NBPF20: variants seen among roughly 807,000 people sequenced by gnomAD.
NBPF20 encodes the protein NBPF member 20, also known as NBPF family member NBPF20.
In NBPF20, 90 loss-of-function variants were observed where a neutral mutation model predicts 68.1. The ratio of observed to expected loss-of-function variants is 1.32; its 90% CI spans 1.11 to 1.58. NBPF20 has a LOEUF of 1.58. Ranked by LOEUF, NBPF20 falls within the 40% of genes most tolerant of loss-of-function variation. NBPF20 has a pLI of 0.00. For synonymous variants in NBPF20, 290 were observed against 228.1 expected (o/e 1.27, Z -2.45); for missense variants, 816 against 601.2 (o/e 1.36, Z -3.74).
intron 8 of NBPF20, among the ~76,000 whole-genome samples, chr1:145,394,616 A>T (rs1662124485): frequency 2.6e-5 from 4 of 152,064 alleles, no homozygotes; most frequent in Admixed American, 6.5e-5. Context: ...AAAACTCATA[A>T]GGAATTTTGT....
intron 3 of NBPF20, among the ~76,000 whole-genome samples, chr1:145,402,646 T>A (rs1425039642): frequency 6.6e-6 from 1 of 151,058 alleles, no homozygotes; most frequent in Non-Finnish European, 1.5e-5. Context: ...TCTTCCTAAT[T>A]CCGTTTCAAA....
chr1:145,425,541 T>C, the NBPF20 span, among the ~76,000 whole-genome samples: 1 of 152,118 alleles, frequency 6.6e-6, no homozygotes, highest in Non-Finnish European at 1.5e-5. Flanking sequence ...CGCCGCTGTC[T>C]CAACCGCCGC....
At chr1:145,292,018 C>A (rs1423299070) in intron 137 of NBPF20, among the ~76,000 whole-genome samples, 2 of 149,592 alleles carry the variant, frequency 1.3e-5, no homozygotes, top group East Asian at 3.9e-4. Context: ...GTGAATTGCC[C>A]AGGTGACATA....
the NBPF20 span, among the ~76,000 whole-genome samples, chr1:145,411,386 CCTTT>C: frequency 4.3e-5 from 6 of 138,896 alleles, no homozygotes; most frequent in South Asian, 2.3e-4. Flanking sequence ...TGTTGACTTT[CCTTT>C]TTTTTTTTTT....
chr1:145,423,819 T>C, the NBPF20 span, among the ~76,000 whole-genome samples: 13,410 of 152,018 alleles, frequency 0.088, 1,386 homozygotes, highest in African/African-American at 0.25. Flanking sequence ...AATGGTACAA[T>C]CACTTTGGGA....
chr1:145,406,021 C>G (rs2101594330), upstream of NBPF20, among the ~76,000 whole-genome samples: 1 of 150,512 alleles, frequency 6.6e-6, no homozygotes, highest in Non-Finnish European at 1.5e-5. Context: ...CAGGTTCACG[C>G]TATTCTCCTG....
chr1:145,396,735 T>A (rs1267543946), intron 7 of NBPF20, among the ~76,000 whole-genome samples: 2 of 127,394 alleles, frequency 1.6e-5, no homozygotes, highest in Non-Finnish European at 3.1e-5. Context: ...AGTTTTCCTT[T>A]ATTATTTTTT....
intron 3 of NBPF20, among the ~76,000 whole-genome samples, chr1:145,402,957 T>G (rs1405689501): frequency 4.8e-4 from 73 of 151,810 alleles, no homozygotes; most frequent in African/African-American, 1.5e-3. Flanking sequence ...CTCCTTTGGT[T>G]AATTTTGTGT....
the NBPF20 span, among the ~76,000 whole-genome samples, chr1:145,423,712 C>G: frequency 6.6e-6 from 1 of 150,464 alleles, no homozygotes; most frequent in African/African-American, 2.4e-5. Flanking sequence ...AAAATGAAAT[C>G]ACACTGATAC....
chr1:145,291,448 C>T (rs1347040370), exon 138 of NBPF20: 21 of 1,611,662 alleles, frequency 1.3e-5, no homozygotes, highest in Non-Finnish European at 1.7e-5. Flanking sequence ...CCAAATGGAA[C>T]TGTACTTTCA....
rs1296527429 is a variant in NBPF20, at chr1:145,402,369, G to T, written c.291C>A (p.Val97=). 4 of 1,604,956 alleles carry T rather than the reference G, an allele frequency of 2.5e-6. No individual in the cohort carries two copies. In the African/African-American group the frequency reaches 4.0e-5, roughly 16 times the overall value. Residue 97 remains valine (V), a synonymous_variant, in exon 4 of 138, where the codon GTC becomes GTA. Coordinates refer to ENST00000369373, the Ensembl canonical transcript of NBPF20. Reference sequence around the variant, plus strand: ...GCTCTCGTTCCTGAGCGTGAACCAGGACTTTATATTGCCTAAGGTGAGACG... The same window carrying T: ...GCTCTCGTTCCTGAGCGTGAACCAGTACTTTATATTGCCTAAGGTGAGACG...
chr1:145,404,622 T>C (rs1254002668), intron 2 of NBPF20, among the ~76,000 whole-genome samples: 1 of 152,190 alleles, frequency 6.6e-6, no homozygotes, highest in Non-Finnish European at 1.5e-5. Flanking sequence ...CAGACTCCTC[T>C]TGAAGCCCCT....
chr1:145,402,720 A>C (rs1476911052), intron 3 of NBPF20, among the ~76,000 whole-genome samples: 1 of 149,254 alleles, frequency 6.7e-6, no homozygotes, highest in Non-Finnish European at 1.5e-5. Flanking sequence ...CACATAGTGC[A>C]TCTTGCGGCC....
intron 3 of NBPF20, among the ~76,000 whole-genome samples, chr1:145,402,795 A>G (rs1662586141): frequency 6.7e-6 from 1 of 149,978 alleles, no homozygotes; most frequent in Admixed American, 6.7e-5. Flanking sequence ...AAAAGACGAA[A>G]GAAGAAAAGA....
In NBPF20 at chr1:145,291,611, G is replaced by A; in HGVS notation, c.16856C>T (p.Ala5619Val). 9 of 1,611,950 alleles carry A rather than the reference G, an allele frequency of 5.6e-6. No individual in the cohort carries two copies. In the South Asian group the frequency reaches 9.9e-5, roughly 18 times the overall value. ...AAAAAACCTATTGTCCACGTAAAGG[G>A]CGAAGCTGATGTGCTGTTCCTCAAA... The change falls in exon 138 of 138, where the codon GCC becomes GTC. Residue 5619 changes from alanine (A) to valine (V), a missense_variant. Physicochemically the swap from Ala to Val is moderately conservative, Grantham distance 64. Transcript: ENST00000369373.
chr1:145,403,243 T>G, exon 3 of NBPF20: 1 of 1,612,662 alleles, frequency 6.2e-7, no homozygotes, highest in Non-Finnish European at 8.5e-7. Flanking sequence ...CTTGAGCTGC[T>G]CTGCAAGCTT....
chr1:145,292,515 A>G, intron 136 of NBPF20, 26 bp from the exon 142 acceptor site: 1 of 697,446 alleles, frequency 1.4e-6, no homozygotes, highest in Non-Finnish European at 2.5e-6. Context: ...ACATGGACAG[A>G]CACATTAAGC....
upstream of NBPF20, among the ~76,000 whole-genome samples, chr1:145,407,367 G>GTA (rs1491333732): frequency 4.4e-4 from 61 of 138,860 alleles, no homozygotes; most frequent in African/African-American, 9.2e-4. Flanking sequence ...CATGGCACAC[G>GTA]TATATATATA....
chr1:145,393,722 C>T, intron 9 of NBPF20, 162 bp downstream of exon 14: 3 of 1,500,674 alleles, frequency 2.0e-6, no homozygotes, highest in Middle Eastern at 4.7e-4. Flanking sequence ...AAATGGAAAC[C>T]TAAACATGTA....
Sources: gnomAD v4.1 joint callset for allele counts (sites outside exome capture counted in the v4.1 genomes callset) on GRCh38, gnomAD v4.1.1 for gene constraint, MANE v1.5 for transcripts, NCBI Gene and HGNC (gene_info 2026-07-23, HGNC 2026-07-21) for gene names.